DCBLD1: variants seen among roughly 807,000 people sequenced by gnomAD.
DCBLD1 encodes the protein discoidin, CUB and LCCL domain-containing protein 1.
A neutral mutation model predicts 71.5 loss-of-function variants in DCBLD1; 57 were observed. That is an observed-to-expected ratio of 0.80 (90% CI 0.64 to 0.99). The LOEUF is 0.99. Ranked by LOEUF, DCBLD1 falls within the 50% of genes least tolerant of loss-of-function variation. The probability of loss-of-function intolerance (pLI) is 0.00; values close to 1 mark genes in which losing one functional copy is unlikely to be tolerated. For synonymous variants in DCBLD1, 380 were observed against 363.8 expected, an observed-to-expected ratio of 1.04 and a Z score of -0.51; for missense variants, 891 against 923.5, an observed-to-expected ratio of 0.96 and a Z score of 0.46.
intron 1 of DCBLD1, among the ~76,000 whole-genome samples, chr6:117,487,950 G>A (rs1002507400): frequency 6.6e-6 from 1 of 152,158 alleles, no homozygotes; most frequent in African/African-American, 2.4e-5. Context: ...CTTAGTTTAT[G>A]GGAAAAATAA....
At chr6:117,554,537 G>A (rs1779471724), downstream of DCBLD1, among the ~76,000 whole-genome samples, 1 of 152,186 alleles carries the variant, frequency 6.6e-6, no homozygotes, top group Non-Finnish European at 1.5e-5. Flanking sequence ...TCTGGTTATA[G>A]ATATGAATCC....
At chr6:117,542,348 A>G (rs1779127012) in intron 11 of DCBLD1, among the ~76,000 whole-genome samples, 1 of 152,028 alleles carries the variant, frequency 6.6e-6, no homozygotes, top group Non-Finnish European at 1.5e-5. Flanking sequence ...ACTTATACAC[A>G]AATTTGGTTT....
Position 117,519,931 on chromosome 6 carries a change from T to G in DCBLD1, c.441T>G (p.Tyr147Ter). ...HISGRGFLLT[Y>*]ASSDHPDLIT... ...CTGGCCGGGGTTTTTTGCTGACCTA[T>G]GCGAGCAGCGACCATCCAGGTATAA... The change falls in exon 3 of 15, where the codon TAT (tyrosine) becomes TAG (stop). Residue 147 changes from tyrosine (Y) to a stop codon, truncating the protein, a stop_gained. Transcript: ENST00000338728. LOFTEE classifies it high-confidence loss of function. 1 of 1,614,100 alleles carries G rather than the reference T, an allele frequency of 6.2e-7. No individual in the cohort carries two copies. Among genetic ancestry groups the G allele is most frequent in the Non-Finnish European group, 8.5e-7 (1 of 1,179,950 alleles).
intron 1 of DCBLD1, chr6:117,503,469 G>C (rs1159590839): frequency 2.9e-6 from 1 of 347,800 alleles, no homozygotes; most frequent in Non-Finnish European, 5.3e-6. Context: ...AGTTTGGACG[G>C]GTGGAGAGAT....
intron 14 of DCBLD1, chr6:117,547,506 A>G: frequency 6.2e-6 from 3 of 487,656 alleles, no homozygotes. Flanking sequence ...CTATTAAACA[A>G]ACTACTCTGT....
chr6:117,492,434 G>A (rs375204313), intron 1 of DCBLD1, among the ~76,000 whole-genome samples: 3 of 152,096 alleles, frequency 2.0e-5, no homozygotes, highest in Non-Finnish European at 4.4e-5. Context: ...ATGGTTTCCT[G>A]CCCTTTGTCT....
chr6:117,485,611 A>T (rs572013024), intron 1 of DCBLD1, among the ~76,000 whole-genome samples: 1 of 152,236 alleles, frequency 6.6e-6, no homozygotes, highest in Non-Finnish European at 1.5e-5. Flanking sequence ...CTGAGGGCAG[A>T]GACTGGGACT....
chr6:117,505,527 G>A (rs998785095), intron 2 of DCBLD1, among the ~76,000 whole-genome samples: 2 of 152,116 alleles, frequency 1.3e-5, no homozygotes, highest in Non-Finnish European at 2.9e-5. Flanking sequence ...TCATTTTGTT[G>A]CATAAGACTC....
chr6:117,492,135 C>A (rs1205745106), intron 1 of DCBLD1, among the ~76,000 whole-genome samples: 2 of 152,232 alleles, frequency 1.3e-5, no homozygotes, highest in African/African-American at 4.8e-5. Context: ...ATGTTAGTTT[C>A]TGACTCAGTA....
At position 117,532,271 on chromosome 6, in the gene DCBLD1, G is replaced by A. The variant is rs775772271; in HGVS notation, c.597G>A (p.Leu199=). ...TTGCTGTGTTTCAGACCTCTTTATTGTGCAAAGCTGCCATCCATGCAGGAA... is the reference window on the plus strand; with the variant it reads ...TTGCTGTGTTTCAGACCTCTTTATTATGCAAAGCTGCCATCCATGCAGGAA... ...MVDGYRDTSL[L]CKAAIHAGII... is the part of the protein sequence containing the mutation. The change falls in exon 6 of 15, where the codon TTG becomes TTA. Residue 199 remains leucine (L), a synonymous_variant. Transcript: ENST00000338728. 7 of 1,608,980 alleles carry A rather than the reference G, an allele frequency of 4.4e-6. No individual in the cohort carries two copies. Among genetic ancestry groups the A allele is most frequent in the East Asian group, 4.5e-5 (2 of 44,810 alleles).
chr6:117,516,221 C>A lies in DCBLD1; in HGVS notation c.326-3595C>A, dbSNP rs199691369. Among the ~76,000 whole-genome samples, 290 of 151,254 alleles carry A rather than the reference C, an allele frequency of 1.9e-3. 1 individual carries two copies. Among genetic ancestry groups the A allele is most frequent in the African/African-American group, 6.5e-3 (267 of 41,282 alleles). ...AAAAAAATACAAAAAATTAGCCAGG[C>A]GTGGTGGTGGGTGCCTGTAGTCCCA... On this transcript the variant is annotated intron_variant, in intron 2 of 14. Transcript: ENST00000338728.
intron 14 of DCBLD1, among the ~76,000 whole-genome samples, chr6:117,568,968 T>C (rs961506127): frequency 3.3e-5 from 5 of 152,028 alleles, no homozygotes; most frequent in African/African-American, 1.2e-4. Flanking sequence ...ACTCTATTCT[T>C]GAAAGAAATA....
At chr6:117,534,720 A>G (rs1425673645) in intron 6 of DCBLD1, among the ~76,000 whole-genome samples, 1 of 151,282 alleles carries the variant, frequency 6.6e-6, no homozygotes, top group South Asian at 2.1e-4. Flanking sequence ...TGCTACATCA[A>G]CTGGACTTAA....
intron 14 of DCBLD1, 191 bp from the exon 15 acceptor site, chr6:117,547,716 G>C: frequency 1.7e-6 from 2 of 1,210,778 alleles, no homozygotes; most frequent in Non-Finnish European, 2.4e-6. Context: ...TGAGCAGGCG[G>C]TGCGGTTGTG....
At chr6:117,562,713 T>G (rs1362493649) in intron 14 of DCBLD1, 1 of 206,688 alleles carries the variant, frequency 4.8e-6, no homozygotes, top group Non-Finnish European at 9.9e-6. Context: ...TCATTAATAA[T>G]TGGTTTAGAT....
At chr6:117,508,536 TCTTAA>T (rs1777912474) in intron 2 of DCBLD1, among the ~76,000 whole-genome samples, 1 of 152,222 alleles carries the variant, frequency 6.6e-6, no homozygotes, top group Non-Finnish European at 1.5e-5. Context: ...AAGATACTAC[TCTTAA>T]CTTTACAGCT....
intron 5 of DCBLD1, among the ~76,000 whole-genome samples, chr6:117,527,334 C>A (rs2114509595): frequency 6.6e-6 from 1 of 152,272 alleles, no homozygotes; most frequent in Middle Eastern, 3.4e-3. Context: ...TGGGGGTTAT[C>A]TTAGAGTCTG....
intron 2 of DCBLD1, among the ~76,000 whole-genome samples, chr6:117,511,784 G>A (rs1359547222): frequency 1.3e-5 from 2 of 152,152 alleles, no homozygotes; most frequent in East Asian, 3.9e-4. Flanking sequence ...GACATATTAT[G>A]AAGTAGAAGG....
chr6:117,565,384 T>A (rs537017394), intron 14 of DCBLD1, among the ~76,000 whole-genome samples: 1 of 152,192 alleles, frequency 6.6e-6, no homozygotes, highest in South Asian at 2.1e-4. Flanking sequence ...TTCTCTGATA[T>A]TATACAAAAA....
Sources: gnomAD v4.1 joint callset for allele counts (sites outside exome capture counted in the v4.1 genomes callset) on GRCh38, gnomAD v4.1.1 for gene constraint, MANE v1.5 for transcripts, NCBI Gene and HGNC (gene_info 2026-07-23, HGNC 2026-07-21) for gene names.